The following LY75 variants were observed in gnomAD, a reference collection of about 807,000 sequenced individuals.
LY75 encodes C-type lectin domain family 13 member B.
Under a neutral mutation model 231.7 loss-of-function variants are expected in LY75, and 185 were observed. The observed-to-expected ratio is 0.80, with a 90% CI of 0.71 to 0.90. LY75 has a LOEUF of 0.90. Ranked by LOEUF, LY75 falls within the 40% of genes least tolerant of loss-of-function variation. The pLI is 0.00. For synonymous variants in LY75, 668 were observed against 689.0 expected (o/e 0.97, Z 0.48); for missense variants, 1,947 against 2,050.2 (o/e 0.95, Z 0.97).
Position 159,864,638 on chromosome 2 carries a change from T to C in LY75, c.2199+201A>G, listed in dbSNP as rs550536107. ...GCCAGTACCATGCTGTTTTGGTTACTATAGCTTTGAGGTGTATCTTCAAGC... is the reference window on the plus strand; with the variant it reads ...GCCAGTACCATGCTGTTTTGGTTACCATAGCTTTGAGGTGTATCTTCAAGC... On this transcript the variant is annotated intron_variant, in intron 14 of 34. Coordinates refer to ENST00000263636, the MANE Select transcript of LY75 (RefSeq NM_002349.4). Among the ~76,000 whole-genome samples the C allele has an allele frequency of 2.2e-4, 34 of 152,300 alleles. 1 individual carries two copies. In the South Asian group the frequency reaches 7.0e-3, roughly 32 times the overall value.
Position 159,810,512 on chromosome 2 carries a change from A to C in LY75, c.4699+14T>G. 1 of 1,603,500 alleles carries C rather than the reference A, an allele frequency of 6.2e-7. No homozygotes were observed. On this transcript the variant is annotated intron_variant, in intron 32 of 34. Coordinates refer to ENST00000263636, the MANE Select transcript of LY75 (RefSeq NM_002349.4). The stretch of plus-strand genomic sequence containing the variant: ...ATTATTGAGTCATAAGAAAATCAAC[A>C]AATTTTAACTCACCATGTTTTGAAC...
intron 28 of LY75, among the ~76,000 whole-genome samples, chr2:159,830,316 G>A (rs180873640): frequency 3.3e-5 from 5 of 152,148 alleles, no homozygotes; most frequent in African/African-American, 7.2e-5. Context: ...ATTGTCCTGT[G>A]CCCCTTATCA....
At chr2:159,899,271 G>T (rs375055123) in intron 1 of LY75, among the ~76,000 whole-genome samples, 42 of 152,156 alleles carry the variant, frequency 2.8e-4, no homozygotes, top group African/African-American at 8.9e-4. Context: ...GAGCCAGTCC[G>T]CCTGGGTCCA....
At position 159,831,718 on chromosome 2, in the gene LY75, A is replaced by G. The variant is rs757120860; in HGVS notation, c.3910T>C (p.Tyr1304His). The change falls in exon 28 of 35, where the codon TAC (tyrosine) becomes CAC (histidine). Residue 1304 changes from tyrosine to histidine, a missense_variant. Physicochemically the swap from Tyr to His is moderately conservative, Grantham distance 83 (BLOSUM62 2). Transcript: ENST00000263636. ...ENNFVLEQLL[Y>H]FNYMASWVML... Reference sequence around the variant, plus strand: ...ACCCATGAAGCCATATAATTGAAGTACAGCAGTTGCTCAAGAACAAAGTTA... The same window carrying G: ...ACCCATGAAGCCATATAATTGAAGTGCAGCAGTTGCTCAAGAACAAAGTTA... 2 of 1,612,952 alleles carry G rather than the reference A, an allele frequency of 1.2e-6. No homozygotes were observed. The highest frequency in any genetic ancestry group is 1.7e-6 in the Non-Finnish European group (2 of 1,179,598).
intron 13 of LY75, among the ~76,000 whole-genome samples, chr2:159,870,484 G>T (rs1684978267): frequency 6.6e-6 from 1 of 151,886 alleles, no homozygotes; most frequent in South Asian, 2.1e-4. Context: ...GGAAAATATA[G>T]AAATTTTCAA....
intron 2 of LY75, among the ~76,000 whole-genome samples, chr2:159,895,298 C>G (rs12692573): frequency 0.87 from 132,639 of 152,200 alleles, 59,448 homozygotes; most frequent in East Asian, 1. Context: ...TTTTCAAAAG[C>G]GTACTTCTGT....
intron 16 of LY75, among the ~76,000 whole-genome samples, chr2:159,855,776 G>A (rs1050328489): frequency 2.7e-4 from 41 of 152,146 alleles, no homozygotes; most frequent in African/African-American, 8.2e-4. Context: ...GCCTATTTGC[G>A]TTCCTCCCCC....
intron 1 of LY75, among the ~76,000 whole-genome samples, chr2:159,901,118 C>A (rs1050472163): frequency 1.3e-5 from 2 of 152,200 alleles, no homozygotes; most frequent in African/African-American, 4.8e-5. Flanking sequence ...GGATTATAGG[C>A]ATGAGATACC....
rs1685984180 is a variant in LY75, at chr2:159,898,916, A to G, written c.238T>C (p.Ser80Pro). Residue 80 changes from serine (S) to proline (P), a missense_variant, in exon 2 of 35, where the codon TCC becomes CCC. Transcript: ENST00000263636. ...ATATCGAGGCCAAGGCACTTTTGGG[A>G]GTGCAAATGAAAGAGCCGATGCTGG... ...VSQHRLFHLH[S>P]QKCLGLDITK... 1.2e-6 allele frequency: 2 copies of G among 1,614,074 alleles called. No individual in the cohort carries two copies. Among genetic ancestry groups the G allele is most frequent in the African/African-American group, 2.7e-5 (2 of 74,916 alleles).
intron 4 of LY75, among the ~76,000 whole-genome samples, 182 bp downstream of exon 4, chr2:159,890,031 T>A (rs1685702429): frequency 6.6e-6 from 1 of 152,220 alleles, no homozygotes; most frequent in African/African-American, 2.4e-5. Flanking sequence ...GATACATTTC[T>A]CAATGGTGAA....
Position 159,806,997 on chromosome 2 carries a change from T to G in LY75, c.4966A>C (p.Arg1656=), listed in dbSNP as rs1162408307. Residue 1656 remains arginine, a synonymous_variant, in exon 34 of 35, where the codon AGA becomes CGA. Coordinates refer to ENST00000263636, the MANE Select transcript of LY75 (RefSeq NM_002349.4). ...CCCAGAGGCACTTTGCAGACAACTC[T>G]TCCAAAACCATGTTCACATTCAACT... ...KKVECEHGFG[R]VVCKVPLGPD... The G allele has an allele frequency of 6.2e-7, 1 of 1,613,798 alleles. No homozygotes were observed. Among genetic ancestry groups the G allele is most frequent in the Admixed American group, 1.7e-5 (1 of 60,010 alleles).
chr2:159,810,600 T>TA lies in LY75; in HGVS notation c.4624dup (p.Tyr1542LeufsTer9). The TA allele has an allele frequency of 6.2e-7, 1 of 1,614,198 alleles. No individual in the cohort carries two copies. On this transcript the variant is annotated frameshift_variant, in exon 32 of 35. Coordinates refer to ENST00000263636, the MANE Select transcript of LY75 (RefSeq NM_002349.4). LOFTEE classifies it high-confidence loss of function. The stretch of plus-strand genomic sequence containing the variant: ...ATCAGACTTGTAACAGTGACCCTTG[T>TA]ACTGGATCCACCGTGACCCATTCTC...
intron 13 of LY75, chr2:159,872,214 T>G: frequency 7.5e-6 from 3 of 400,068 alleles, no homozygotes; most frequent in Non-Finnish European, 1.3e-5. Context: ...CATACATTGC[T>G]GTTGGACTTT....
chr2:159,854,381 G>A lies in LY75; in HGVS notation c.2574C>T (p.Ala858=), dbSNP rs983660627. The change falls in exon 18 of 35, where the codon GCC becomes GCT. Residue 858 remains alanine (A), a synonymous_variant. Coordinates refer to ENST00000263636, the MANE Select transcript of LY75 (RefSeq NM_002349.4). The part of the protein sequence containing the change: ...ATITSFVGLK[A]IKNKIANISG... ...TTACATTTGCTATTTTGTTTTTGAT[G>A]GCTTTTAGTCCCACAAAAGATGTTA... 7.0e-7 allele frequency: 1 copy of A among 1,435,872 alleles called. No homozygotes were observed. Among genetic ancestry groups the A allele is most frequent in the Non-Finnish European group, 9.2e-7 (1 of 1,083,496 alleles). The allele number at this position is 1,435,872 out of a possible 1,614,324, so 88.9% of individuals were successfully genotyped here. A position where few individuals can be genotyped will look rare whatever the true frequency, so the allele number is the denominator to read the frequency against.
intron 4 of LY75, among the ~76,000 whole-genome samples, chr2:159,887,915 G>C (rs971233311): frequency 6.6e-6 from 1 of 152,070 alleles, no homozygotes; most frequent in African/African-American, 2.4e-5. Flanking sequence ...TGAAGTCATC[G>C]GTTTCCAAAT....
chr2:159,856,113 C>A (rs1157531426), intron 16 of LY75, among the ~76,000 whole-genome samples: 2 of 152,100 alleles, frequency 1.3e-5, no homozygotes, highest in Non-Finnish European at 2.9e-5. Context: ...CTTTAAATAT[C>A]TTTAAATTAG....
At chr2:159,875,703 A>G in intron 11 of LY75, 60 bp from the exon 12 acceptor site, 1 of 1,597,694 alleles carries the variant, frequency 6.3e-7, no homozygotes, top group Non-Finnish European at 8.5e-7. Flanking sequence ...AACATTTTCT[A>G]GTGTTTCTAC....
intron 25 of LY75, among the ~76,000 whole-genome samples, chr2:159,837,515 G>A (rs1349895495): frequency 6.6e-6 from 1 of 152,144 alleles, no homozygotes; most frequent in Non-Finnish European, 1.5e-5. Flanking sequence ...TGGAGCAAGG[G>A]TTGAAACACT....
At chr2:159,858,521 C>T in intron 15 of LY75, 45 bp from the exon 16 acceptor site, 1 of 1,571,704 alleles carries the variant, frequency 6.4e-7, no homozygotes, top group African/African-American at 1.4e-5. Flanking sequence ...GTTGATACAT[C>T]CCTTATGGAA....
Sources: allele counts gnomAD v4.1 joint callset (sites outside exome capture counted in the v4.1 genomes callset), GRCh38; gene constraint gnomAD v4.1.1; transcripts MANE v1.5; gene names NCBI Gene and HGNC (gene_info 2026-07-23, HGNC 2026-07-21).